The following PPP6C variants were observed in gnomAD, a reference collection of about 807,000 sequenced individuals.
PPP6C encodes the protein protein phosphatase 6 catalytic subunit.
In PPP6C, 11 loss-of-function variants were observed where a neutral mutation model predicts 39.8. That is an observed-to-expected ratio of 0.28 (90% confidence interval 0.17 to 0.46). The LOEUF (loss-of-function observed/expected upper bound fraction) is 0.46, where lower values mean the gene tolerates loss of function less well. Ranked by LOEUF, PPP6C falls within the 20% of genes least tolerant of loss-of-function variation. The pLI is 1.00. For synonymous variants in PPP6C, 129 were observed against 130.3 expected, an observed-to-expected ratio of 0.99 and a Z score of 0.07; for missense variants, 211 against 373.9, an observed-to-expected ratio of 0.56 and a Z score of 3.59.
chr9:125,182,880 T>C (rs1211010761), intron 1 of PPP6C, among the ~76,000 whole-genome samples: 1 of 151,738 alleles, frequency 6.6e-6, no homozygotes, highest in Non-Finnish European at 1.5e-5. Flanking sequence ...GGTCTAGATC[T>C]TTCTCCTGCG....
At chr9:125,161,418 A>T (rs1204659515) in intron 2 of PPP6C, among the ~76,000 whole-genome samples, 3 of 151,550 alleles carry the variant, frequency 2.0e-5, no homozygotes, top group Non-Finnish European at 2.9e-5. Flanking sequence ...ATGATCAGTT[A>T]AAAAAAAATT....
chr9:125,166,393 T>C (rs1489431282), intron 2 of PPP6C, among the ~76,000 whole-genome samples: 1 of 152,166 alleles, frequency 6.6e-6, no homozygotes, highest in Non-Finnish European at 1.5e-5. Context: ...CCCACTTCCT[T>C]CACTTTTGCA....
intron 2 of PPP6C, among the ~76,000 whole-genome samples, chr9:125,168,736 C>A (rs146663977): frequency 2.0e-5 from 3 of 151,926 alleles, no homozygotes; most frequent in African/African-American, 7.3e-5. Context: ...GGATTACAGG[C>A]ATGAGCCACC....
chr9:125,157,011 G>A (rs1836093661), intron 4 of PPP6C, among the ~76,000 whole-genome samples: 2 of 151,950 alleles, frequency 1.3e-5, no homozygotes, highest in Admixed American at 1.3e-4. Context: ...TTAAGTTCTA[G>A]GGTACATGTG....
chr9:125,159,159 T>TC (rs1828790917), intron 3 of PPP6C, among the ~76,000 whole-genome samples: 3 of 149,720 alleles, frequency 2.0e-5, no homozygotes, highest in Non-Finnish European at 4.4e-5. Flanking sequence ...CCACCTCAGC[T>TC]TCCTGAGTAG....
intron 2 of PPP6C, among the ~76,000 whole-genome samples, chr9:125,168,476 G>A (rs1227175851): frequency 1.3e-5 from 2 of 151,978 alleles, no homozygotes; most frequent in Non-Finnish European, 2.9e-5. Context: ...TCATTTTTTT[G>A]AGACGGAGTT....
At chr9:125,185,691 C>T (rs2131345715) in intron 1 of PPP6C, among the ~76,000 whole-genome samples, 1 of 147,088 alleles carries the variant, frequency 6.8e-6, no homozygotes, top group Middle Eastern at 3.8e-3. Context: ...AAGACTCCGT[C>T]TCAAAAAAAC....
chr9:125,180,062 A>G (rs1046236381), intron 1 of PPP6C, among the ~76,000 whole-genome samples: 4 of 152,166 alleles, frequency 2.6e-5, no homozygotes, highest in African/African-American at 9.6e-5. Flanking sequence ...AGTGGTGGCA[A>G]CCATCACCAT....
chr9:125,181,353 T>C (rs186128003), intron 1 of PPP6C, among the ~76,000 whole-genome samples: 1 of 152,276 alleles, frequency 6.6e-6, no homozygotes, highest in East Asian at 1.9e-4. Context: ...TTTTTTATTA[T>C]ACTTAAGTTC....
chr9:125,150,936 C>A, intron 6 of PPP6C: 1 of 1,109,732 alleles, frequency 9.0e-7, no homozygotes, highest in East Asian at 2.4e-5. Context: ...TTATGCCCAG[C>A]AGGATAATAA....
rs1835845292 is a variant in PPP6C at position 125,147,758 on chromosome 9, G to A, written c.*1915C>T. 1 of 151,900 alleles carries A rather than the reference G, an allele frequency of 6.6e-6. No homozygotes were observed. The highest frequency in any genetic ancestry group is 2.1e-4 in the South Asian group (1 of 4,864). 9.4% of individuals were successfully genotyped at this position (151,900 alleles called of 1,614,324 possible). On this transcript the variant is annotated 3_prime_UTR_variant, in exon 7 of 7. Transcript: ENST00000373547. ...GGGCTGGGAGTTACCGGTTCTATTA[G>A]TACAACTTAAGTGGAAAGCAAGCAC...
chr9:125,189,532 G>C (rs1434008588), intron 1 of PPP6C, 112 bp downstream of exon 1: 2 of 1,532,464 alleles, frequency 1.3e-6, no homozygotes, highest in Non-Finnish European at 1.8e-6. Flanking sequence ...GGCAATGGGG[G>C]AGGCCCTCCA....
intron 2 of PPP6C, 49 bp downstream of exon 2, chr9:125,171,036 A>C (rs1829136943): frequency 9.7e-6 from 12 of 1,234,100 alleles, no homozygotes; most frequent in Non-Finnish European, 1.2e-5. Flanking sequence ...GAAAACACAC[A>C]TGGATCATGG....
intron 1 of PPP6C, among the ~76,000 whole-genome samples, chr9:125,175,723 G>C (rs1409973424): frequency 6.6e-6 from 1 of 151,054 alleles, no homozygotes; most frequent in East Asian, 1.9e-4. Flanking sequence ...CTTAATCTTA[G>C]CAACAGATCT....
At chr9:125,180,959 G>A (rs1184803439) in intron 1 of PPP6C, among the ~76,000 whole-genome samples, 1 of 152,120 alleles carries the variant, frequency 6.6e-6, no homozygotes, top group African/African-American at 2.4e-5. Flanking sequence ...CCAGGGCCCA[G>A]GCACACTAAC....
chr9:125,168,273 A>C (rs1403516059), intron 2 of PPP6C, among the ~76,000 whole-genome samples: 1 of 152,198 alleles, frequency 6.6e-6, no homozygotes, highest in African/African-American at 2.4e-5. Context: ...TCACTATATT[A>C]CACAGCTTCA....
At chr9:125,164,872 G>A (rs1462548133) in intron 2 of PPP6C, among the ~76,000 whole-genome samples, 1 of 152,138 alleles carries the variant, frequency 6.6e-6, no homozygotes. Flanking sequence ...CCGAGTAGCT[G>A]GGACTACAGT....
In PPP6C at chr9:125,149,560, A is replaced by T; in HGVS notation, c.*113T>A. The T allele has an allele frequency of 8.3e-7, 1 of 1,200,158 alleles. No individual in the cohort carries two copies. The highest frequency in any genetic ancestry group is 1.1e-6 in the Non-Finnish European group (1 of 870,118). The allele number at this position is 1,200,158 out of a possible 1,614,324, so 74.3% of individuals were successfully genotyped here. A position where few individuals can be genotyped will look rare whatever the true frequency, so the allele number is the denominator to read the frequency against. ...TAAAATTTAAAAAAAAAAAGGCAAG[A>T]GGCAGCATTTCAGCAGCAAAGTGCT... On this transcript the variant is annotated 3_prime_UTR_variant, in exon 7 of 7. Transcript: ENST00000373547.
intron 1 of PPP6C, among the ~76,000 whole-genome samples, chr9:125,186,825 CTA>C (rs1364568747): frequency 6.6e-6 from 1 of 151,108 alleles, no homozygotes; most frequent in Non-Finnish European, 1.5e-5. Flanking sequence ...TACAATGCAG[CTA>C]TGTTTCAACA....
Sources: allele counts gnomAD v4.1 joint callset (sites outside exome capture counted in the v4.1 genomes callset), GRCh38; gene constraint gnomAD v4.1.1; transcripts MANE v1.5; gene names NCBI Gene and HGNC (gene_info 2026-07-23, HGNC 2026-07-21).